The following WDR19 variants were observed in gnomAD, a reference collection of about 807,000 sequenced individuals.
WDR19 encodes the protein WD repeat-containing protein 19.
In WDR19, 121 loss-of-function variants were observed where a neutral mutation model predicts 180.0. The ratio of observed to expected loss-of-function variants is 0.67; its 90% confidence interval spans 0.58 to 0.78. WDR19 has a LOEUF of 0.78. Ranked by LOEUF, WDR19 falls within the 30% of genes least tolerant of loss-of-function variation. The probability of loss-of-function intolerance (pLI) is 0.00; values close to 1 mark genes in which losing one functional copy is unlikely to be tolerated. For synonymous variants in WDR19, 497 were observed against 540.7 expected (o/e 0.92, Z 1.12); for missense variants, 1,450 against 1,640.7 (o/e 0.88, Z 2.01).
chr4:39,281,672 T>A (rs1482875789), intron 36 of WDR19, among the ~76,000 whole-genome samples: 1 of 152,176 alleles, frequency 6.6e-6, no homozygotes, highest in Non-Finnish European at 1.5e-5. Flanking sequence ...TATAACAAAT[T>A]ATCACAAATT....
rs1730518317 is a variant in WDR19, at chr4:39,228,507, G to A, written c.1799G>A (p.Gly600Asp). 1 of 1,613,750 alleles carries A rather than the reference G, an allele frequency of 6.2e-7. No individual in the cohort carries two copies. Among genetic ancestry groups the A allele is most frequent in the Non-Finnish European group, 8.5e-7 (1 of 1,179,792 alleles). ...GTAGGAGCCAAGGTTATTTTGGCTG[G>A]TAGCACCAAAGTTCCTTTTGCTCAT... is the stretch of plus-strand genomic sequence containing the variant. ...TIQGAKVILA[G>D]STKVPFAHKP... The change falls in exon 17 of 37, where the codon GGT (glycine) becomes GAT (aspartate). Residue 600 changes from glycine to aspartate, a missense_variant. Coordinates refer to ENST00000399820, the MANE Select transcript of WDR19 (RefSeq NM_025132.4).
chr4:39,231,679 T>A (rs747341410), intron 17 of WDR19, 118 bp from the exon 18 acceptor site: 10 of 844,154 alleles, frequency 1.2e-5, no homozygotes, highest in Non-Finnish European at 1.7e-5. Context: ...CAATTACAGG[T>A]TAAGAAATGT....
chr4:39,218,002 A>C lies in WDR19; in HGVS notation c.1376A>C (p.Asp459Ala). The C allele has an allele frequency of 6.2e-7, 1 of 1,613,670 alleles. No homozygotes were observed. Among genetic ancestry groups the C allele is most frequent in the Non-Finnish European group, 8.5e-7 (1 of 1,179,782 alleles). Residue 459 changes from aspartate to alanine, a missense_variant, in exon 14 of 37, where the codon GAT becomes GCT. Transcript: ENST00000399820. ...QLHLIESEILDAQEERETRLF... is the reference protein window; with the variant it reads ...QLHLIESEILAAQEERETRLF... Reference sequence around the variant, plus strand: ...TTTTAGATAGAAAGCGAAATCTTGGATGCTCAAGAAGAACGTGAGACTCGG... The same window carrying C: ...TTTTAGATAGAAAGCGAAATCTTGGCTGCTCAAGAAGAACGTGAGACTCGG...
chr4:39,205,243 T>C lies in WDR19; in HGVS notation c.693T>C (p.Phe231=). The C allele has an allele frequency of 6.3e-7, 1 of 1,598,908 alleles. No homozygotes were observed. The highest frequency in any genetic ancestry group is 8.5e-7 in the Non-Finnish European group (1 of 1,172,026). ...NPADLEFQQD[F]GNIVCYNWYG... ...CTGATCTTGAATTTCAGCAGGACTTTGGCAACATTGTCTGCTATAATTGGT... is the reference window on the plus strand; with the variant it reads ...CTGATCTTGAATTTCAGCAGGACTTCGGCAACATTGTCTGCTATAATTGGT... Residue 231 remains phenylalanine, a synonymous_variant, in exon 8 of 37, where the codon TTT becomes TTC. Coordinates refer to ENST00000399820, the MANE Select transcript of WDR19 (RefSeq NM_025132.4).
At chr4:39,249,649 A>G (rs906598416) in intron 24 of WDR19, among the ~76,000 whole-genome samples, 5 of 152,238 alleles carry the variant, frequency 3.3e-5, no homozygotes, top group Non-Finnish European at 5.9e-5. Context: ...GCAATAAAAA[A>G]TGACAAAGGG....
At chr4:39,194,789 C>A in intron 5 of WDR19, 130 bp downstream of exon 5, 1 of 625,212 alleles carries the variant, frequency 1.6e-6, no homozygotes, top group Non-Finnish European at 2.8e-6. Context: ...TGTCCCTCCG[C>A]AAGTCTTACA....
intron 14 of WDR19, among the ~76,000 whole-genome samples, chr4:39,222,885 C>G (rs938048449): frequency 1.3e-5 from 2 of 152,174 alleles, no homozygotes; most frequent in Non-Finnish European, 2.9e-5. Flanking sequence ...TGCTGCCACC[C>G]CATTCTTAAC....
At chr4:39,264,824 A>G (rs1423175235) in intron 28 of WDR19, among the ~76,000 whole-genome samples, 1 of 152,000 alleles carries the variant, frequency 6.6e-6, no homozygotes, top group Non-Finnish European at 1.5e-5. Context: ...TGTTCCTATT[A>G]AACTCATACA....
In WDR19 at chr4:39,215,868, A is replaced by G; in HGVS notation, c.989A>G (p.Asp330Gly). Reference sequence around the variant, plus strand: ...TTGGGTACCTTGTCCTGGACTGATGATGGCCAGTTGCTAGCACTCTCTACC... The same window carrying G: ...TTGGGTACCTTGTCCTGGACTGATGGTGGCCAGTTGCTAGCACTCTCTACC... Reference protein sequence around the residue: ...KGLGTLSWTDDGQLLALSTQR... With the variant: ...KGLGTLSWTDGGQLLALSTQR... Residue 330 changes from aspartate to glycine, a missense_variant, in exon 11 of 37, where the codon GAT (aspartate) becomes GGT (glycine). Asp to Gly is a moderately conservative substitution (Grantham distance 94). Coordinates refer to ENST00000399820, the MANE Select transcript of WDR19 (RefSeq NM_025132.4). The G allele has an allele frequency of 1.2e-6, 2 of 1,613,556 alleles. No individual in the cohort carries two copies. Among genetic ancestry groups the G allele is most frequent in the East Asian group, 4.5e-5 (2 of 44,856 alleles).
At chr4:39,246,199 A>G (rs1732498743) in intron 24 of WDR19, among the ~76,000 whole-genome samples, 2 of 152,238 alleles carry the variant, frequency 1.3e-5, no homozygotes, top group African/African-American at 2.4e-5. Flanking sequence ...CTTATATTAC[A>G]CAACTGATAG....
At chr4:39,258,082 C>T (rs955951511) in intron 28 of WDR19, among the ~76,000 whole-genome samples, 1 of 152,032 alleles carries the variant, frequency 6.6e-6, no homozygotes, top group Non-Finnish European at 1.5e-5. Context: ...ACACATGTGT[C>T]CTCTTATGTC....
intron 28 of WDR19, among the ~76,000 whole-genome samples, chr4:39,259,487 A>G (rs1307762560): frequency 6.6e-6 from 1 of 152,176 alleles, no homozygotes; most frequent in Non-Finnish European, 1.5e-5. Flanking sequence ...TTTTATATAA[A>G]TGGAACCATA....
At chr4:39,247,520 G>A (rs574350012) in intron 24 of WDR19, among the ~76,000 whole-genome samples, 56 of 152,302 alleles carry the variant, frequency 3.7e-4, no homozygotes, top group African/African-American at 1.3e-3. Context: ...ACTTTGACGA[G>A]TTGAGAGAGG....
At chr4:39,270,671 C>T (rs1735275090) in intron 31 of WDR19, among the ~76,000 whole-genome samples, 1 of 152,186 alleles carries the variant, frequency 6.6e-6, no homozygotes, top group Non-Finnish European at 1.5e-5. Flanking sequence ...AGCCACCACG[C>T]TCAGCTTTCT....
chr4:39,251,550 A>G (rs1733185958), intron 24 of WDR19, among the ~76,000 whole-genome samples: 1 of 152,208 alleles, frequency 6.6e-6, no homozygotes, highest in African/African-American at 2.4e-5. Flanking sequence ...ACAGCAAAAG[A>G]AACCAACATC....
chr4:39,246,368 G>A (rs559041651), intron 24 of WDR19, among the ~76,000 whole-genome samples: 132 of 152,184 alleles, frequency 8.7e-4, no homozygotes, highest in African/African-American at 3.0e-3. Flanking sequence ...AAAAAATTTG[G>A]GGGGTGGAGC....
intron 29 of WDR19, among the ~76,000 whole-genome samples, chr4:39,266,698 A>G (rs1014669862): frequency 6.6e-5 from 10 of 152,262 alleles, no homozygotes; most frequent in African/African-American, 4.8e-5. Context: ...ATTCATCTCT[A>G]AAACTCAGAG....
rs920808320 is a variant in WDR19 at position 39,254,116 on chromosome 4, T to C, written c.3001+86T>C. Reference sequence around the variant, plus strand: ...TTATGATCTAATTATCAGATTGGTATACATACAAGAATGCGCCTGGTGTAA... The same window carrying C: ...TTATGATCTAATTATCAGATTGGTACACATACAAGAATGCGCCTGGTGTAA... On this transcript the variant is annotated intron_variant, in intron 26 of 36. Transcript: ENST00000399820. 5 of 1,377,184 alleles carry C rather than the reference T, an allele frequency of 3.6e-6. No homozygotes were observed. In the South Asian group the frequency reaches 7.3e-5, roughly 20 times the overall value. The allele number at this position is 1,377,184 out of a possible 1,614,324, so 85.3% of individuals were successfully genotyped here. A position where few individuals can be genotyped will look rare whatever the true frequency, so the allele number is the denominator to read the frequency against.
At chr4:39,269,344 A>G (rs1156298719) in intron 30 of WDR19, among the ~76,000 whole-genome samples, 1 of 152,120 alleles carries the variant, frequency 6.6e-6, no homozygotes, top group South Asian at 2.1e-4. Context: ...AATCCTGATG[A>G]GCACTACAGC....
Sources: allele counts gnomAD v4.1 joint callset (sites outside exome capture counted in the v4.1 genomes callset), GRCh38; gene constraint gnomAD v4.1.1; transcripts MANE v1.5; gene names NCBI Gene and HGNC (gene_info 2026-07-23, HGNC 2026-07-21).